Variants in ZBTB46 observed in about 807,000 individuals in gnomAD.
ZBTB46 encodes zinc finger and BTB domain-containing protein 46.
ZBTB46 carries 8 observed loss-of-function variants against 44.1 expected under a neutral mutation model. The observed-to-expected ratio is 0.18, with a 90% CI of 0.11 to 0.33. ZBTB46 has a LOEUF of 0.33. ZBTB46 is among the 10% of genes least tolerant of loss of function. The probability of loss-of-function intolerance (pLI) is 1.00; values close to 1 mark genes in which losing one functional copy is unlikely to be tolerated. For missense variants in ZBTB46, 651 were observed against 847.7 expected, an observed-to-expected ratio of 0.77 and a Z score of 2.88; for synonymous variants, 409 against 382.3, an observed-to-expected ratio of 1.07 and a Z score of -0.81.
chr20:63,802,698 G>A (rs1170525998), intron 1 of ZBTB46, among the ~76,000 whole-genome samples: 4 of 121,030 alleles, frequency 3.3e-5, no homozygotes, highest in African/African-American at 6.4e-5. Context: ...CGCGGCCGAC[G>A]ACCGAACCTC....
chr20:63,808,076 C>T (rs559397362), intron 1 of ZBTB46: 2 of 153,010 alleles, frequency 1.3e-5, no homozygotes, highest in African/African-American at 2.4e-5. Context: ...GGGACACTCA[C>T]GGAAGCTGAA....
chr20:63,748,962 A>G (rs932824), intron 4 of ZBTB46, among the ~76,000 whole-genome samples: 54,660 of 152,148 alleles, frequency 0.36, 9,988 homozygotes, highest in Admixed American at 0.4. Flanking sequence ...CTGGGGCTGG[A>G]CCCGGGCCCT....
chr20:63,808,590 C>T (rs1555854295), intron 1 of ZBTB46, among the ~76,000 whole-genome samples: 1 of 152,192 alleles, frequency 6.6e-6, no homozygotes, highest in Non-Finnish European at 1.5e-5. Flanking sequence ...ACCTGAGCTC[C>T]TCCAGCGTGG....
At chr20:63,781,140 C>CAAAAA (rs58102231) in intron 2 of ZBTB46, among the ~76,000 whole-genome samples, 32 of 83,918 alleles carry the variant, frequency 3.8e-4, no homozygotes, top group African/African-American at 7.6e-4. Flanking sequence ...GACTCTGCCT[C>CAAAAA]AAAAAAAAAA....
chr20:63,782,197 A>ACCCCGGAG (rs71333714), intron 2 of ZBTB46, among the ~76,000 whole-genome samples: 1 of 150,872 alleles, frequency 6.6e-6, no homozygotes, highest in Non-Finnish European at 1.5e-5. Flanking sequence ...CCAGGCTGCA[A>ACCCCGGAG]CCCCCGAGCC....
chr20:63,764,922 TTTTG>T lies in ZBTB46; in HGVS notation c.1222+10752_1222+10755del, dbSNP rs1282768584. Reference sequence around the variant, plus strand: ...CCCTCTGGCTGCTTTTAAGATTTTTTTTTGTTTTTCTTTTGAGACGGAGTCTTGC... The same window carrying T: ...CCCTCTGGCTGCTTTTAAGATTTTTTTTTTTCTTTTGAGACGGAGTCTTGC... On this transcript the variant is annotated intron_variant, in intron 3 of 4. Coordinates refer to ENST00000245663, the MANE Select transcript of ZBTB46 (RefSeq NM_001369741.1). Among the ~76,000 whole-genome samples, 10 of 151,390 alleles carry T rather than the reference TTTTG, an allele frequency of 6.6e-5. 1 individual carries two copies. The highest frequency in any genetic ancestry group is 6.6e-4 in the Admixed American group (10 of 15,180).
chr20:63,785,425 G>A (rs1349699894), intron 2 of ZBTB46, among the ~76,000 whole-genome samples: 1 of 151,782 alleles, frequency 6.6e-6, no homozygotes. Context: ...GCCGGGCGTG[G>A]TCACGGGAGC....
At chr20:63,782,954 C>T (rs1487198043) in intron 2 of ZBTB46, among the ~76,000 whole-genome samples, 1 of 152,152 alleles carries the variant, frequency 6.6e-6, no homozygotes, top group African/African-American at 2.4e-5. Context: ...GTGAGATCTA[C>T]ATCTCTATAA....
chr20:63,757,513 G>C (rs567485413), intron 3 of ZBTB46, among the ~76,000 whole-genome samples: 20 of 152,164 alleles, frequency 1.3e-4, no homozygotes, highest in African/African-American at 4.8e-4. Context: ...TGCAGAGTGG[G>C]CTTTCTGGTG....
chr20:63,791,771 C>T (rs2092563002), intron 1 of ZBTB46, among the ~76,000 whole-genome samples: 1 of 152,126 alleles, frequency 6.6e-6, no homozygotes, highest in Non-Finnish European at 1.5e-5. Flanking sequence ...CCCTGCCTCA[C>T]AGAGTCACAG....
chr20:63,785,008 C>T (rs765326763), intron 2 of ZBTB46, among the ~76,000 whole-genome samples: 42 of 151,586 alleles, frequency 2.8e-4, no homozygotes, highest in African/African-American at 7.3e-4. Flanking sequence ...CCGAGGCAGG[C>T]GGATCACGAG....
At chr20:63,798,790 G>C (rs1247050632) in intron 1 of ZBTB46, among the ~76,000 whole-genome samples, 1 of 150,076 alleles carries the variant, frequency 6.7e-6, no homozygotes, top group African/African-American at 2.5e-5. Flanking sequence ...GATGCAGTGA[G>C]CCAAGATGGT....
intron 4 of ZBTB46, among the ~76,000 whole-genome samples, chr20:63,749,464 G>A (rs574445798): frequency 0.047 from 7,232 of 152,254 alleles, 233 homozygotes; most frequent in Middle Eastern, 0.14. Context: ...AGCCTCCCAA[G>A]TAGCTGGGAC....
intron 3 of ZBTB46, among the ~76,000 whole-genome samples, chr20:63,763,801 C>G (rs776867258): frequency 6.6e-6 from 1 of 152,118 alleles, no homozygotes; most frequent in African/African-American, 2.4e-5. Context: ...TATAAAGAGT[C>G]AGAACCACAC....
chr20:63,790,979 G>A (rs962575044), intron 1 of ZBTB46, 189 bp from the exon 2 acceptor site: 9 of 760,692 alleles, frequency 1.2e-5, no homozygotes, highest in South Asian at 6.3e-5. Context: ...AGCAAACACC[G>A]GAGGGCACCA....
intron 1 of ZBTB46, among the ~76,000 whole-genome samples, chr20:63,797,345 T>C (rs1342446070): frequency 6.6e-6 from 1 of 152,204 alleles, no homozygotes; most frequent in Non-Finnish European, 1.5e-5. Flanking sequence ...TCCTTTTTTA[T>C]GGCTGCATAG....
At chr20:63,751,434 C>T (rs1300116848) in intron 4 of ZBTB46, among the ~76,000 whole-genome samples, 1 of 152,170 alleles carries the variant, frequency 6.6e-6, no homozygotes, top group African/African-American at 2.4e-5. Context: ...CATCCGAGGG[C>T]CTGGAGTGGC....
In ZBTB46 at chr20:63,803,703, G is replaced by T. The variant is rs1026200427; in HGVS notation, c.-33-12913C>A. On this transcript the variant is annotated intron_variant, in intron 1 of 4. Coordinates refer to ENST00000245663, the MANE Select transcript of ZBTB46 (RefSeq NM_001369741.1). The surrounding 1 kb of genome is among the most constrained non-coding windows in gnomAD (Gnocchi z 4.0). The stretch of plus-strand genomic sequence containing the variant: ...CTCCGCCTTCCCGAACCTGGCTACC[G>T]TCACTTCCTTCTTTTTGTTTTTGTA... Among the ~76,000 whole-genome samples, 1 of 151,936 alleles carries T rather than the reference G, an allele frequency of 6.6e-6. No homozygotes were observed. Among genetic ancestry groups the T allele is most frequent in the African/African-American group, 2.4e-5 (1 of 41,372 alleles).
intron 3 of ZBTB46, among the ~76,000 whole-genome samples, chr20:63,756,910 C>T (rs747010760): frequency 2.8e-4 from 42 of 152,212 alleles, no homozygotes; most frequent in Non-Finnish European, 5.7e-4. Flanking sequence ...CCAGTTTGGG[C>T]CTATTGAACA....
Sources: gnomAD v4.1 joint callset for allele counts (sites outside exome capture counted in the v4.1 genomes callset) on GRCh38, gnomAD v4.1.1 for gene constraint, Gnocchi (gnomAD v3.1) non-coding constraint, MANE v1.5 for transcripts, NCBI Gene and HGNC (gene_info 2026-07-23, HGNC 2026-07-21) for gene names.